The following MBP variants were observed in gnomAD, a reference collection of about 807,000 sequenced individuals.
MBP encodes myelin basic protein.
In MBP, 16 loss-of-function variants were observed where a neutral mutation model predicts 35.8. The observed-to-expected ratio is 0.45, with a 90% CI of 0.30 to 0.68. MBP has a LOEUF of 0.68. Among genes scored for constraint, MBP ranks in the 30% least tolerant of loss-of-function variants. The probability of loss-of-function intolerance (pLI) is 0.08; values close to 1 mark genes in which losing one functional copy is unlikely to be tolerated. For synonymous variants in MBP, 143 were observed against 159.6 expected (o/e 0.90, Z 0.78); for missense variants, 380 against 404.7 (o/e 0.94, Z 0.52).
At chr18:77,117,143 C>G (rs151244944) in intron 1 of MBP, among the ~76,000 whole-genome samples, 17 of 152,338 alleles carry the variant, frequency 1.1e-4, no homozygotes, top group African/African-American at 4.1e-4. Context: ...AACTCCACAA[C>G]TCATTTCCTT....
chr18:77,051,586 G>T (rs1973490334), intron 3 of MBP, among the ~76,000 whole-genome samples: 1 of 152,192 alleles, frequency 6.6e-6, no homozygotes, highest in Non-Finnish European at 1.5e-5. Context: ...TGGGGCTGAA[G>T]GACCCGATTT....
chr18:77,076,738 G>T (rs943434042), intron 2 of MBP, among the ~76,000 whole-genome samples: 1 of 152,114 alleles, frequency 6.6e-6, no homozygotes, highest in African/African-American at 2.4e-5. Flanking sequence ...TGAAAAAAGG[G>T]CCACTCACAT....
chr18:77,036,008 A>G (rs890344447), intron 3 of MBP, among the ~76,000 whole-genome samples: 2 of 152,204 alleles, frequency 1.3e-5, no homozygotes, highest in African/African-American at 4.8e-5. Context: ...GTCAAATTGG[A>G]GGAAAAGTGA....
chr18:76,987,163 G>A, intron 7 of MBP: 2 of 985,466 alleles, frequency 2.0e-6, no homozygotes, highest in Non-Finnish European at 2.4e-6. Context: ...CACATTCAGG[G>A]AGGATCCGGC....
intron 1 of MBP, chr18:77,114,561 G>C (rs1976586964): frequency 6.6e-6 from 1 of 152,248 alleles, no homozygotes; most frequent in African/African-American, 2.4e-5. Context: ...ATTATGGGGA[G>C]TTACGAAATT....
At chr18:76,999,645 C>T (rs1178851487) in intron 4 of MBP, among the ~76,000 whole-genome samples, 1 of 152,048 alleles carries the variant, frequency 6.6e-6, no homozygotes, top group African/African-American at 2.4e-5. Flanking sequence ...AGACGAGTTT[C>T]ACCATGTTGC....
chr18:77,038,645 G>A (rs930032847), intron 3 of MBP, among the ~76,000 whole-genome samples: 34 of 152,154 alleles, frequency 2.2e-4, no homozygotes, highest in African/African-American at 7.7e-4. Context: ...TACTTGCTAT[G>A]TATGGGTGCA....
chr18:77,098,121 C>G (rs911480987), intron 2 of MBP, among the ~76,000 whole-genome samples: 2 of 147,270 alleles, frequency 1.4e-5, no homozygotes, highest in African/African-American at 5.0e-5. Flanking sequence ...TTTTGTTGGT[C>G]TCCTGATTAG....
At chr18:77,055,099 C>A (rs887915956) in intron 3 of MBP, among the ~76,000 whole-genome samples, 1 of 152,220 alleles carries the variant, frequency 6.6e-6, no homozygotes, top group African/African-American at 2.4e-5. Flanking sequence ...GCACGCACAT[C>A]GTGGATGGAG....
intron 1 of MBP, 26 bp from the exon 2 acceptor site, chr18:77,105,312 C>T: frequency 6.8e-7 from 1 of 1,466,774 alleles, no homozygotes; most frequent in Non-Finnish European, 9.5e-7. Context: ...AAAGTGTCAG[C>T]CCTAAGTCTA....
At chr18:77,096,194 C>G (rs952801758) in intron 2 of MBP, among the ~76,000 whole-genome samples, 1 of 152,206 alleles carries the variant, frequency 6.6e-6, no homozygotes, top group Non-Finnish European at 1.5e-5. Flanking sequence ...AAAGGAAAAG[C>G]ATTTTTCCCA....
At chr18:77,120,128 G>A (rs905713813) in intron 1 of MBP, among the ~76,000 whole-genome samples, 1 of 152,250 alleles carries the variant, frequency 6.6e-6, no homozygotes, top group African/African-American at 2.4e-5. Context: ...TCTCGGGTGA[G>A]GTATGCTAAA....
At chr18:77,077,942 A>T (rs1221201100) in intron 2 of MBP, among the ~76,000 whole-genome samples, 1 of 152,224 alleles carries the variant, frequency 6.6e-6, no homozygotes, top group Non-Finnish European at 1.5e-5. Flanking sequence ...TAATGGAACC[A>T]TCCCTGTGGA....
chr18:77,008,997 TCTCG>T (rs1197052226), intron 4 of MBP, among the ~76,000 whole-genome samples: 2 of 152,248 alleles, frequency 1.3e-5, no homozygotes, highest in South Asian at 2.1e-4. Flanking sequence ...TGTGAAATGT[TCTCG>T]CTATTTAGGT....
chr18:77,096,626 A>G (rs1975768811), intron 2 of MBP, among the ~76,000 whole-genome samples: 1 of 152,222 alleles, frequency 6.6e-6, no homozygotes, highest in Non-Finnish European at 1.5e-5. Context: ...ATTGCTAGGC[A>G]TCTTTGTAGA....
At chr18:77,030,039 A>G (rs1232236024) in intron 3 of MBP, among the ~76,000 whole-genome samples, 1 of 152,190 alleles carries the variant, frequency 6.6e-6, no homozygotes, top group Non-Finnish European at 1.5e-5. Flanking sequence ...TTTAGGGCCT[A>G]GAGTCCACAC....
chr18:76,982,204 G>A (rs879354930), intron 8 of MBP: 2 of 152,232 alleles, frequency 1.3e-5, no homozygotes, highest in Non-Finnish European at 2.9e-5. Context: ...CAGCCAGCCC[G>A]AAGGAGCCAG....
intron 2 of MBP, among the ~76,000 whole-genome samples, chr18:77,093,983 T>TG (rs571787872): frequency 1.4e-4 from 21 of 145,908 alleles, no homozygotes; most frequent in South Asian, 2.1e-4. Context: ...TTTTTCTTCT[T>TG]TTTTTTTTTT....
intron 7 of MBP, chr18:76,985,256 G>A: frequency 7.4e-7 from 1 of 1,343,454 alleles, no homozygotes; most frequent in African/African-American, 1.5e-5. Context: ...AGCAAATCAA[G>A]GTAAGGAGGC....
Sources: allele counts gnomAD v4.1 joint callset (sites outside exome capture counted in the v4.1 genomes callset), GRCh38; gene constraint gnomAD v4.1.1; transcripts MANE v1.5; gene names NCBI Gene and HGNC (gene_info 2026-07-23, HGNC 2026-07-21).